Variants in PHIP observed in about 807,000 individuals in gnomAD.
PHIP encodes PHIP subunit of CUL4-Ring ligase complex.
In PHIP, 54 loss-of-function variants were observed where a neutral mutation model predicts 236.8. The observed-to-expected ratio is 0.23, with a 90% CI of 0.18 to 0.29. PHIP has a LOEUF of 0.29. Ranked by LOEUF, PHIP falls within the 10% of genes least tolerant of loss-of-function variation. PHIP has a pLI of 1.00. For missense variants in PHIP, 1,370 were observed against 2,190.8 expected (o/e 0.63, Z 7.48); for synonymous variants, 756 against 718.9 (o/e 1.05, Z -0.83).
intron 35 of PHIP, among the ~76,000 whole-genome samples, 177 bp from the exon 36 acceptor site, chr6:78,947,952 C>G (rs1773918417): frequency 1.4e-5 from 1 of 69,384 alleles, no homozygotes; most frequent in Admixed American, 1.6e-4. Context: ...ATTTCATACT[C>G]CCCCCCCTTA....
At chr6:79,009,536 T>A in intron 15 of PHIP, among the ~76,000 whole-genome samples, 1 of 152,072 alleles carries the variant, frequency 6.6e-6, no homozygotes, top group East Asian at 1.9e-4. Flanking sequence ...AAGGTATATT[T>A]TGTATATTTT....
chr6:78,981,041 C>T (rs1768491383), intron 23 of PHIP, among the ~76,000 whole-genome samples: 1 of 151,942 alleles, frequency 6.6e-6, no homozygotes, highest in African/African-American at 2.4e-5. Context: ...ATATCTTATT[C>T]CCCAATAATT....
chr6:79,033,281 G>C (rs1771762629), intron 7 of PHIP, among the ~76,000 whole-genome samples: 1 of 152,164 alleles, frequency 6.6e-6, no homozygotes, highest in Non-Finnish European at 1.5e-5. Context: ...GAACAAAAGA[G>C]TCAGCCTGCT....
chr6:79,038,614 C>T (rs1297807616), intron 7 of PHIP, among the ~76,000 whole-genome samples: 1 of 151,574 alleles, frequency 6.6e-6, no homozygotes, highest in African/African-American at 2.4e-5. Context: ...TTTTTTTCCC[C>T]TAGCCTCTCA....
intron 4 of PHIP, among the ~76,000 whole-genome samples, chr6:79,074,827 GACTA>G (rs1017892916): frequency 2.0e-5 from 3 of 152,032 alleles, no homozygotes; most frequent in Admixed American, 1.3e-4. Context: ...ATTGTAACTA[GACTA>G]ACTACAGATG....
chr6:78,936,991 C>T lies in PHIP; in HGVS notation c.*3702G>A, dbSNP rs1729433150. 2 of 151,588 alleles carry T rather than the reference C, an allele frequency of 1.3e-5. No individual in the cohort carries two copies. Among genetic ancestry groups the T allele is most frequent in the South Asian group, 4.1e-4 (2 of 4,820 alleles). The allele number at this position is 151,588 out of a possible 1,614,324, so 9.4% of individuals were successfully genotyped here. A position where few individuals can be genotyped will look rare whatever the true frequency, so the allele number is the denominator to read the frequency against. ...AATTCTTGCCTAAGTGTAACAAAAC[C>T]ACTGCTCAATCTGTTATGTTAGAAA... On this transcript the variant is annotated 3_prime_UTR_variant, in exon 40 of 40. Transcript: ENST00000275034.
intron 30 of PHIP, 118 bp from the exon 31 acceptor site, chr6:78,961,928 T>C: frequency 1.4e-6 from 1 of 724,784 alleles, no homozygotes; most frequent in Non-Finnish European, 2.2e-6. Context: ...AGTCTGCCAC[T>C]GTCTTTTCAT....
chr6:78,976,683 AAAAC>A (rs1261158569), intron 24 of PHIP, among the ~76,000 whole-genome samples: 4 of 148,538 alleles, frequency 2.7e-5, no homozygotes, highest in Non-Finnish European at 3.0e-5. Flanking sequence ...TTACAAGAAA[AAAAC>A]AAACAACCAC....
At chr6:78,981,390 C>T (rs1253158745) in intron 23 of PHIP, among the ~76,000 whole-genome samples, 9 of 151,892 alleles carry the variant, frequency 5.9e-5, no homozygotes, top group Non-Finnish European at 1.0e-4. Context: ...GCTAGGCATG[C>T]GAACAAAATT....
At chr6:79,022,972 T>C (rs1771195579) in intron 9 of PHIP, among the ~76,000 whole-genome samples, 1 of 152,240 alleles carries the variant, frequency 6.6e-6, no homozygotes, top group Non-Finnish European at 1.5e-5. Flanking sequence ...ACATAAACAG[T>C]ATAAATCTAT....
chr6:79,064,697 T>G, intron 4 of PHIP, among the ~76,000 whole-genome samples: 1 of 152,206 alleles, frequency 6.6e-6, no homozygotes, highest in East Asian at 1.9e-4. Flanking sequence ...TCTTTTAGGC[T>G]TATACTCCTC....
intron 4 of PHIP, among the ~76,000 whole-genome samples, chr6:79,064,744 T>C (rs1773541852): frequency 6.6e-6 from 1 of 152,220 alleles, no homozygotes; most frequent in Admixed American, 6.5e-5. Context: ...CTTAAGATCC[T>C]AGGTACCAGA....
chr6:78,940,821 CATT>C lies in PHIP; in HGVS notation c.5335_5337del (p.Asn1779del). 1 of 1,614,000 alleles carries C rather than the reference CATT, an allele frequency of 6.2e-7. No individual in the cohort carries two copies. Among genetic ancestry groups the C allele is most frequent in the Non-Finnish European group, 8.5e-7 (1 of 1,179,930 alleles). On this transcript the variant is annotated inframe_deletion, in exon 40 of 40. Coordinates refer to ENST00000275034, the MANE Select transcript of PHIP (RefSeq NM_017934.7). ...CTTTGCTCCTCTTCAGAGTCATCCTCATTATAGAAAGCTGTCCTTCGACCTTGA... is the reference window on the plus strand; with the variant it reads ...CTTTGCTCCTCTTCAGAGTCATCCTCATAGAAAGCTGTCCTTCGACCTTGA...
intron 15 of PHIP, among the ~76,000 whole-genome samples, chr6:79,006,711 A>G (rs973004527): frequency 6.6e-6 from 1 of 152,062 alleles, no homozygotes; most frequent in African/African-American, 2.4e-5. Context: ...AAATAATTAG[A>G]AATAGAGTGA....
At chr6:78,947,518 C>T (rs1264948375) in intron 36 of PHIP, 105 bp downstream of exon 36, 4 of 586,090 alleles carry the variant, frequency 6.8e-6, no homozygotes, top group African/African-American at 1.9e-5. Context: ...AAGAATGTAA[C>T]AGAAAGTTAA....
rs776106601 is a variant in PHIP at position 78,941,130 on chromosome 6, T to C, written c.5029A>G (p.Asn1677Asp). The C allele has an allele frequency of 6.2e-7, 1 of 1,614,096 alleles. No homozygotes were observed. The highest frequency in any genetic ancestry group is 1.1e-5 in the South Asian group (1 of 91,086). Residue 1677 changes from asparagine to aspartate, a missense_variant, in exon 40 of 40, where the codon AAT (asparagine) becomes GAT (aspartate). Coordinates refer to ENST00000275034, the MANE Select transcript of PHIP (RefSeq NM_017934.7). ...QYAKPEDLEQ[N>D]NVHPIRDEVL... ...TCATCTCTGATGGGATGCACATTAT[T>C]TTGCTCTAAATCTTCTGGCTTTGCA...
At chr6:78,988,442 G>T in intron 20 of PHIP, 93 bp from the exon 21 acceptor site, 1 of 956,150 alleles carries the variant, frequency 1.0e-6, no homozygotes, top group Non-Finnish European at 1.5e-6. Flanking sequence ...AAAAATTCAA[G>T]CTGGGCATGG....
intron 27 of PHIP, 82 bp downstream of exon 27, chr6:78,969,753 C>A: frequency 1.6e-6 from 1 of 619,588 alleles, no homozygotes; most frequent in Non-Finnish European, 2.7e-6. Context: ...TAATCTTTTT[C>A]TCAATTATGA....
chr6:78,997,453 C>T lies in PHIP; in HGVS notation c.2162G>A (p.Arg721Gln), dbSNP rs758063485. The T allele has an allele frequency of 2.5e-6, 4 of 1,613,918 alleles. No individual in the cohort carries two copies. Among genetic ancestry groups the T allele is most frequent in the Non-Finnish European group, 3.4e-6 (4 of 1,179,906 alleles). The change falls in exon 19 of 40, where the codon CGA becomes CAA. Residue 721 changes from arginine (R) to glutamine (Q), a missense_variant. Arg to Gln is a conservative substitution (Grantham distance 43). Transcript: ENST00000275034. Reference protein sequence around the residue: ...ATERDLVAWSRRVVVPELSAG... With the variant: ...ATERDLVAWSQRVVVPELSAG... ...TGATAGCTCGGGTACTACCACCCTTCGACTCCAAGCTACCAGATCCCGCTC... is the reference window on the plus strand; with the variant it reads ...TGATAGCTCGGGTACTACCACCCTTTGACTCCAAGCTACCAGATCCCGCTC...
Sources: gnomAD v4.1 joint callset for allele counts (sites outside exome capture counted in the v4.1 genomes callset) on GRCh38, gnomAD v4.1.1 for gene constraint, MANE v1.5 for transcripts, NCBI Gene and HGNC (gene_info 2026-07-23, HGNC 2026-07-21) for gene names.